The following ECE1 variants were observed in gnomAD, a reference collection of about 807,000 sequenced individuals.
The protein encoded by ECE1 is endothelin converting enzyme 1, also known as endothelin-converting enzyme 1.
In ECE1, 35 loss-of-function variants were observed where a neutral mutation model predicts 98.6. The observed-to-expected ratio is 0.35, with a 90% CI of 0.27 to 0.47. The LOEUF is 0.47. ECE1 is among the 20% of genes least tolerant of loss of function. The probability of loss-of-function intolerance (pLI) is 1.00; values close to 1 mark genes in which losing one functional copy is unlikely to be tolerated. For synonymous variants in ECE1, 394 were observed against 407.1 expected (o/e 0.97, Z 0.39); for missense variants, 814 against 1,025.3 (o/e 0.79, Z 2.81).
intron 16 of ECE1, among the ~76,000 whole-genome samples, chr1:21,226,544 C>T (rs756322376): frequency 6.6e-6 from 1 of 152,074 alleles, no homozygotes; most frequent in Non-Finnish European, 1.5e-5. Flanking sequence ...GATGATTGGC[C>T]CAGTCTAAAG....
At chr1:21,341,163 G>A (rs1191909356) in intron 1 of ECE1, among the ~76,000 whole-genome samples, 2 of 152,158 alleles carry the variant, frequency 1.3e-5, no homozygotes, top group Non-Finnish European at 2.9e-5. Flanking sequence ...CCCCCCGCGT[G>A]TCTCCCTGAC....
intron 10 of ECE1, among the ~76,000 whole-genome samples, chr1:21,244,293 G>A (rs768486597): frequency 1.1e-4 from 17 of 152,196 alleles, no homozygotes; most frequent in Non-Finnish European, 2.1e-4. Context: ...TCCCTCAGCC[G>A]GTGTGGGCTC....
upstream of ECE1, among the ~76,000 whole-genome samples, chr1:21,293,014 T>G (rs1217385438): frequency 6.6e-6 from 1 of 152,196 alleles, no homozygotes; most frequent in Admixed American, 6.5e-5. Flanking sequence ...AAAAGACTTT[T>G]GAAAAAGAAG....
rs753788291 is a variant in ECE1, at chr1:21,238,279, C to T, written c.1279-35G>A. 1.3e-5 allele frequency: 21 copies of T among 1,561,096 alleles called. No homozygotes were observed. The East Asian group carries it at 4.3e-4, about 32-fold the overall frequency. ...ACAAGTCAGGGGGCTCGCTGGGCCC[C>T]AGCCCTTTGTTTCCCAACCCCTTTC... On this transcript the variant is annotated intron_variant, in intron 10 of 18. Transcript: ENST00000374893.
upstream of ECE1, among the ~76,000 whole-genome samples, chr1:21,291,073 A>G (rs2098266211): frequency 2.6e-5 from 4 of 152,238 alleles, no homozygotes; most frequent in South Asian, 8.3e-4. Context: ...GGGAGTCAGA[A>G]GCCAGGAAGG....
rs1231144528 is a variant in ECE1, at chr1:21,227,918, A to C, written c.1781+13T>G. The C allele has an allele frequency of 1.3e-6, 2 of 1,549,618 alleles. No individual in the cohort carries two copies. Among genetic ancestry groups the C allele is most frequent in the Non-Finnish European group, 1.7e-6 (2 of 1,145,374 alleles). ...GGAAAAGAATTGGGGTAGGGGCCCC[A>C]GAGGCAGCCTACTTGGGTGAGGAGC... On this transcript the variant is annotated intron_variant, in intron 15 of 18. Coordinates refer to ENST00000374893, the MANE Select transcript of ECE1 (RefSeq NM_001397.3).
At chr1:21,332,754 G>T (rs1234651536) in intron 1 of ECE1, among the ~76,000 whole-genome samples, 1 of 64,610 alleles carries the variant, frequency 1.5e-5, no homozygotes, top group Non-Finnish European at 3.3e-5. Flanking sequence ...GGGGAGGGGA[G>T]GGGGAGAAAG....
intron 14 of ECE1, among the ~76,000 whole-genome samples, chr1:21,231,114 C>T (rs1259386219): frequency 6.6e-6 from 1 of 152,094 alleles, no homozygotes; most frequent in African/African-American, 2.4e-5. Context: ...AGACGTGAGC[C>T]ACCGCGCCCA....
chr1:21,294,673 G>A (rs896118680), upstream of ECE1, among the ~76,000 whole-genome samples: 2 of 152,234 alleles, frequency 1.3e-5, no homozygotes, highest in Non-Finnish European at 2.9e-5. This position sits in a 1 kb window ranked among gnomAD's most constrained non-coding sequence, Gnocchi z 4.2. Flanking sequence ...CTCCTGGCCT[G>A]GTAGCACCTG....
At chr1:21,240,938 T>C (rs760510555) in intron 10 of ECE1, among the ~76,000 whole-genome samples, 28 of 152,258 alleles carry the variant, frequency 1.8e-4, no homozygotes, top group Non-Finnish European at 2.9e-4. Flanking sequence ...CTGTGAGCAG[T>C]TGCCCTGCAT....
chr1:21,246,006 T>C (rs1401188445), intron 9 of ECE1, among the ~76,000 whole-genome samples: 3 of 152,136 alleles, frequency 2.0e-5, no homozygotes, highest in Non-Finnish European at 4.4e-5. Flanking sequence ...GGCTCACACC[T>C]GTAATCTTAG....
chr1:21,262,048 C>A (rs2098227682), intron 4 of ECE1, among the ~76,000 whole-genome samples: 2 of 152,188 alleles, frequency 1.3e-5, no homozygotes, highest in African/African-American at 2.4e-5. Context: ...GCCCCCCGAT[C>A]CTCACCATAA....
chr1:21,245,576 C>G (rs2098202288), intron 9 of ECE1, among the ~76,000 whole-genome samples: 1 of 152,206 alleles, frequency 6.6e-6, no homozygotes, highest in Non-Finnish European at 1.5e-5. Flanking sequence ...ACAGCTCCTA[C>G]TGCCCCACCT....
intron 1 of ECE1, among the ~76,000 whole-genome samples, chr1:21,302,632 TCCCAACCCCCTG>T (rs1176968810): frequency 1.3e-4 from 20 of 152,076 alleles, no homozygotes; most frequent in Admixed American, 1.3e-3. Context: ...CAGACCCTTT[TCCCAACCCCCTG>T]CCCTGAGGAA....
rs538020032 is a variant in ECE1, at chr1:21,273,843, G to A, written c.281-932C>T. Reference sequence around the variant, plus strand: ...GCACTCAATCCTGGGGGATAAGAGCGAGGAGACTGGTTTGCCAGAGGCAAG... The same window carrying A: ...GCACTCAATCCTGGGGGATAAGAGCAAGGAGACTGGTTTGCCAGAGGCAAG... On this transcript the variant is annotated intron_variant, in intron 3 of 18. Transcript: ENST00000374893. Among the ~76,000 whole-genome samples the A allele has an allele frequency of 2.9e-3, 446 of 152,316 alleles. 1 individual carries two copies. The highest frequency in any genetic ancestry group is 0.01 in the African/African-American group (423 of 41,572).
At chr1:21,279,446 C>A in intron 2 of ECE1, 114 bp from the exon 3 acceptor site, 1 of 1,574,336 alleles carries the variant, frequency 6.4e-7, no homozygotes, top group South Asian at 1.1e-5. Flanking sequence ...AGGGCTGCCT[C>A]CTGTCTCAGG....
At position 21,218,245 on chromosome 1, in the gene ECE1, C is replaced by T. The variant is rs1306773571; in HGVS notation, c.*1710G>A. ...TATCTTGATTCAACCCAGGGGCCGA[C>T]AATGGACTGCAGCCCAGGGTAAGTC... On this transcript the variant is annotated 3_prime_UTR_variant, in exon 19 of 19. Coordinates refer to ENST00000374893, the MANE Select transcript of ECE1 (RefSeq NM_001397.3). The surrounding 1 kb of genome is among the most constrained non-coding windows in gnomAD (Gnocchi z 4.0). 6.6e-6 allele frequency: 1 copy of T among 152,278 alleles called. No individual in the cohort carries two copies. Among genetic ancestry groups the T allele is most frequent in the Non-Finnish European group, 1.5e-5 (1 of 68,082 alleles). 9.4% of individuals were successfully genotyped at this position (152,278 alleles called of 1,614,324 possible). A position where few individuals can be genotyped will look rare whatever the true frequency, so the allele number is the denominator to read the frequency against.
chr1:21,279,144 G>A (rs764899957), intron 3 of ECE1, 47 bp downstream of exon 3: 27 of 1,613,694 alleles, frequency 1.7e-5, no homozygotes, highest in South Asian at 4.4e-5. Flanking sequence ...TGACGGAGCC[G>A]GGTGCAGGAG....
chr1:21,246,147 G>A (rs1343736312), intron 9 of ECE1, among the ~76,000 whole-genome samples: 1 of 152,036 alleles, frequency 6.6e-6, no homozygotes, highest in Non-Finnish European at 1.5e-5. Flanking sequence ...AAAAAAATAA[G>A]TTAAATACGA....
Sources: gnomAD v4.1 joint callset for allele counts (sites outside exome capture counted in the v4.1 genomes callset) on GRCh38, gnomAD v4.1.1 for gene constraint, Gnocchi (gnomAD v3.1) non-coding constraint, MANE v1.5 for transcripts, NCBI Gene and HGNC (gene_info 2026-07-23, HGNC 2026-07-21) for gene names.